The following WDR76 variants were observed in gnomAD, a reference collection of about 807,000 sequenced individuals.
WDR76 encodes WD repeat domain 76, also known as WD repeat-containing protein 76.
A neutral mutation model predicts 70.2 loss-of-function variants in WDR76; 52 were observed. The ratio of observed to expected loss-of-function variants is 0.74; its 90% confidence interval spans 0.59 to 0.93. The LOEUF is 0.93. WDR76 is among the 40% of genes least tolerant of loss of function. The pLI is 0.00. For synonymous variants in WDR76, 292 were observed against 271.1 expected, an observed-to-expected ratio of 1.08 and a Z score of -0.76; for missense variants, 756 against 760.2, an observed-to-expected ratio of 0.99 and a Z score of 0.07.
chr15:43,842,388 C>T (rs770232787), intron 5 of WDR76, 27 bp from the exon 6 acceptor site: 6 of 1,605,308 alleles, frequency 3.7e-6, no homozygotes, highest in Non-Finnish European at 4.3e-6. Flanking sequence ...GGGAGCCCAA[C>T]AAATAACTTT....
At chr15:43,864,881 A>G (rs998500314) in intron 12 of WDR76, among the ~76,000 whole-genome samples, 5 of 152,122 alleles carry the variant, frequency 3.3e-5, no homozygotes, top group Non-Finnish European at 7.4e-5. Context: ...GGCATGAGCC[A>G]CTGTGCCCAG....
intron 12 of WDR76, among the ~76,000 whole-genome samples, chr15:43,865,563 A>G (rs1415982112): frequency 1.3e-5 from 2 of 151,070 alleles, no homozygotes; most frequent in African/African-American, 4.9e-5. Context: ...GAGCCACTGT[A>G]CCTGGCCAAT....
intron 12 of WDR76, among the ~76,000 whole-genome samples, chr15:43,862,039 T>C (rs2088004091): frequency 6.6e-6 from 1 of 151,804 alleles, no homozygotes; most frequent in Non-Finnish European, 1.5e-5. Flanking sequence ...GGTTTCATCA[T>C]GTTGGTCAGG....
intron 7 of WDR76, among the ~76,000 whole-genome samples, 185 bp downstream of exon 7, chr15:43,842,856 A>G (rs2087742995): frequency 6.6e-6 from 1 of 152,194 alleles, no homozygotes; most frequent in Non-Finnish European, 1.5e-5. Context: ...CTTCATATAC[A>G]ATACCACTAG....
intron 8 of WDR76, among the ~76,000 whole-genome samples, chr15:43,850,158 C>G (rs2087838610): frequency 6.6e-6 from 1 of 152,012 alleles, no homozygotes; most frequent in Admixed American, 6.5e-5. Flanking sequence ...ATAACTTGTT[C>G]TGAAAAGCGA....
At chr15:43,844,119 G>T in intron 8 of WDR76, 65 bp downstream of exon 8, 1 of 1,444,936 alleles carries the variant, frequency 6.9e-7, no homozygotes, top group South Asian at 1.5e-5. Flanking sequence ...GAAGAGAATA[G>T]GCTAGAGCCA....
At chr15:43,852,301 A>G (rs2087869775) in intron 9 of WDR76, among the ~76,000 whole-genome samples, 1 of 152,052 alleles carries the variant, frequency 6.6e-6, no homozygotes, top group Non-Finnish European at 1.5e-5. Context: ...CTTCTGCCTC[A>G]GCCTCCTGAG....
intron 2 of WDR76, among the ~76,000 whole-genome samples, chr15:43,830,930 C>T (rs1397607984): frequency 2.0e-5 from 3 of 152,004 alleles, no homozygotes; most frequent in Non-Finnish European, 4.4e-5. Flanking sequence ...CACCTGTAGT[C>T]CCAGCTACTC....
chr15:43,836,374 C>T (rs2087656828), intron 4 of WDR76, among the ~76,000 whole-genome samples, 158 bp downstream of exon 4: 1 of 152,088 alleles, frequency 6.6e-6, no homozygotes, highest in South Asian at 2.1e-4. Context: ...CCTTTAATAA[C>T]TTTACAATTC....
rs758513532 is a variant in WDR76 at position 43,827,032 on chromosome 15, G to C, written c.-1G>C. Reference sequence around the variant, plus strand: ...GGCGCCGGCCGCTAAGAAGCCGAAAGATGTCCAGGTCGGGCGCGGCGGCTG... The same window carrying C: ...GGCGCCGGCCGCTAAGAAGCCGAAACATGTCCAGGTCGGGCGCGGCGGCTG... On this transcript the variant is annotated 5_prime_UTR_variant, in exon 1 of 13. Coordinates refer to ENST00000263795, the MANE Select transcript of WDR76 (RefSeq NM_024908.4). 6.2e-7 allele frequency: 1 copy of C among 1,614,042 alleles called. No homozygotes were observed. Among genetic ancestry groups the C allele is most frequent in the Admixed American group, 1.7e-5 (1 of 60,030 alleles).
At position 43,858,662 on chromosome 15, in the gene WDR76, C is replaced by T. The variant is rs1283164442; in HGVS notation, c.1410-9C>T. 2 of 1,612,548 alleles carry T rather than the reference C, an allele frequency of 1.2e-6. No individual in the cohort carries two copies. Among genetic ancestry groups the T allele is most frequent in the Admixed American group, 3.3e-5 (2 of 59,780 alleles). On this transcript the variant is annotated splice_polypyrimidine_tract_variant and intron_variant, in intron 10 of 12. Coordinates refer to ENST00000263795, the MANE Select transcript of WDR76 (RefSeq NM_024908.4). Reference sequence around the variant, plus strand: ...ATGGCAACATTGATCATTGTTTCTCCCATTACAGGGATACTCATATTTATG... The same window carrying T: ...ATGGCAACATTGATCATTGTTTCTCTCATTACAGGGATACTCATATTTATG...
At chr15:43,856,729 G>T (rs1165560591) in intron 9 of WDR76, among the ~76,000 whole-genome samples, 1 of 151,898 alleles carries the variant, frequency 6.6e-6, no homozygotes, top group African/African-American at 2.4e-5. Flanking sequence ...GACTTGAAAT[G>T]TTCCCAACAC....
In WDR76 at chr15:43,864,550, T is replaced by C. The variant is rs148173239; in HGVS notation, c.1617-1578T>C. ...TAATTGGCCATTTGTATATCGTCTT[T>C]TGAGAAGTGTGTATTCAGATCTTTT... On this transcript the variant is annotated intron_variant, in intron 12 of 12. Transcript: ENST00000263795. Among the ~76,000 whole-genome samples the C allele has an allele frequency of 2.0e-3, 312 of 152,302 alleles. 4 individuals carry two copies. Among genetic ancestry groups the C allele is most frequent in the Admixed American group, 0.019 (289 of 15,294 alleles).
rs2088080209 is a variant in WDR76, at chr15:43,866,853, C to T, written c.*461C>T. On this transcript the variant is annotated 3_prime_UTR_variant, in exon 13 of 13. Transcript: ENST00000263795. ...ATGTTGGCCAGGCTGGTCTCGAGCT[C>T]CTGACCTCAGGTGATCTGCCCGCCT... The T allele has an allele frequency of 6.4e-6, 1 of 157,156 alleles. No individual in the cohort carries two copies. Among genetic ancestry groups the T allele is most frequent in the African/African-American group, 2.4e-5 (1 of 41,420 alleles). The allele number at this position is 157,156 out of a possible 1,614,324, so 9.7% of individuals were successfully genotyped here.
intron 11 of WDR76, among the ~76,000 whole-genome samples, chr15:43,860,155 G>A (rs1205571983): frequency 6.6e-6 from 1 of 152,194 alleles, no homozygotes; most frequent in African/African-American, 2.4e-5. Flanking sequence ...TGAGGCGGGA[G>A]GATCACTTGA....
intron 2 of WDR76, among the ~76,000 whole-genome samples, chr15:43,831,747 C>A (rs7179388): frequency 6.6e-6 from 1 of 151,716 alleles, no homozygotes; most frequent in African/African-American, 2.4e-5. Flanking sequence ...CCATGTCTTT[C>A]TTTCTTGGTT....
chr15:43,857,258 A>T lies in WDR76; in HGVS notation c.1409+95A>T, dbSNP rs538289132. The T allele has an allele frequency of 2.4e-6, 3 of 1,253,190 alleles. No individual in the cohort carries two copies. The Admixed American group carries it at 8.6e-5, about 36-fold the overall frequency. The allele number at this position is 1,253,190 out of a possible 1,614,324, so 77.6% of individuals were successfully genotyped here. On this transcript the variant is annotated intron_variant, in intron 10 of 12. Coordinates refer to ENST00000263795, the MANE Select transcript of WDR76 (RefSeq NM_024908.4). ...CAAAGATATTGTAATACAATATTAC[A>T]AAAGGTATTACTTTTGTAATACCCA... is the stretch of plus-strand genomic sequence containing the variant.
In WDR76 at chr15:43,866,562, G is replaced by T; in HGVS notation, c.*170G>T. On this transcript the variant is annotated 3_prime_UTR_variant, in exon 13 of 13. Coordinates refer to ENST00000263795, the MANE Select transcript of WDR76 (RefSeq NM_024908.4). The stretch of plus-strand genomic sequence containing the variant: ...GTACTTTTAGTAAGGGAGAAGTCTT[G>T]GAGGGTTGCTTCTGCAGGACGGGGA... 1 of 769,380 alleles carries T rather than the reference G, an allele frequency of 1.3e-6. No individual in the cohort carries two copies. The highest frequency in any genetic ancestry group is 2.0e-6 in the Non-Finnish European group (1 of 505,466). 47.7% of individuals were successfully genotyped at this position (769,380 alleles called of 1,614,324 possible).
chr15:43,829,133 CT>C (rs2141719778), intron 2 of WDR76, among the ~76,000 whole-genome samples: 1 of 152,128 alleles, frequency 6.6e-6, no homozygotes, highest in South Asian at 2.1e-4. Context: ...AACTCCTGAC[CT>C]TGTGATCCAC....
Sources: gnomAD v4.1 joint callset for allele counts (sites outside exome capture counted in the v4.1 genomes callset) on GRCh38, gnomAD v4.1.1 for gene constraint, MANE v1.5 for transcripts, NCBI Gene and HGNC (gene_info 2026-07-23, HGNC 2026-07-21) for gene names.